PCDHGB1: variants seen among roughly 807,000 people sequenced by gnomAD.
PCDHGB1 encodes protocadherin gamma subfamily B, 1.
In PCDHGB1, 34 loss-of-function variants were observed where a neutral mutation model predicts 56.6. That is an observed-to-expected ratio of 0.60 (90% CI 0.46 to 0.80). The LOEUF (loss-of-function observed/expected upper bound fraction) is 0.80, where lower values mean the gene tolerates loss of function less well. Among genes scored for constraint, PCDHGB1 ranks in the 30% least tolerant of loss-of-function variants. PCDHGB1 has a pLI of 0.00. For missense variants in PCDHGB1, 1,278 were observed against 1,204.6 expected, an observed-to-expected ratio of 1.06 and a Z score of -0.90; for synonymous variants, 561 against 505.9, an observed-to-expected ratio of 1.11 and a Z score of -1.46.
At position 141,489,599 on chromosome 5, in the gene PCDHGB1, A is replaced by T; in HGVS notation, c.2410-5208A>T. The T allele has an allele frequency of 6.2e-7, 1 of 1,614,020 alleles. No homozygotes were observed. The highest frequency in any genetic ancestry group is 8.5e-7 in the Non-Finnish European group (1 of 1,179,970). On this transcript the variant is annotated intron_variant, in intron 1 of 3. Coordinates refer to ENST00000523390, the MANE Select transcript of PCDHGB1 (RefSeq NM_018922.3). This position sits in a 1 kb window ranked among gnomAD's most constrained non-coding sequence, Gnocchi z 4.5. ...CACCCCCTGGAGCTAATCCGTGTAGAGGTAGAGATCCTGGATCTCAATGAC... is the reference window on the plus strand; with the variant it reads ...CACCCCCTGGAGCTAATCCGTGTAGTGGTAGAGATCCTGGATCTCAATGAC...
Position 141,432,731 on chromosome 5 carries a change from G to C in PCDHGB1, c.2410-62076G>C, listed in dbSNP as rs1244820860. On this transcript the variant is annotated intron_variant, in intron 1 of 3. Coordinates refer to ENST00000523390, the MANE Select transcript of PCDHGB1 (RefSeq NM_018922.3). This position sits in a 1 kb window ranked among gnomAD's most constrained non-coding sequence, Gnocchi z 6.0. ...CGGCCAGCCCCCTCTCTCCGCCACT[G>C]TCACGCTCACCGTGGCCGTGGCCGA... The C allele has an allele frequency of 6.2e-7, 1 of 1,614,068 alleles. No homozygotes were observed.
chr5:141,482,601 A>T (rs1158399317), intron 1 of PCDHGB1, among the ~76,000 whole-genome samples: 1 of 152,002 alleles, frequency 6.6e-6, no homozygotes, highest in Non-Finnish European at 1.5e-5. Flanking sequence ...ACGGGAAAAA[A>T]CACCTAAATG....
intron 1 of PCDHGB1, chr5:141,422,932 C>G: frequency 6.2e-7 from 1 of 1,614,252 alleles, no homozygotes; most frequent in Non-Finnish European, 8.5e-7. Context: ...CCCTGCCCTC[C>G]CCACAGACGG....
chr5:141,408,636 C>T (rs1236637669), intron 1 of PCDHGB1: 2 of 1,614,024 alleles, frequency 1.2e-6, no homozygotes. Flanking sequence ...ATTTTCGAAT[C>T]TGCATCCGCT....
At chr5:141,378,264 C>T (rs1167989776) in intron 1 of PCDHGB1, 2 of 152,212 alleles carry the variant, frequency 1.3e-5, no homozygotes, top group Non-Finnish European at 1.5e-5. Flanking sequence ...GTGGCTCATG[C>T]CTGTAATCCC....
intron 1 of PCDHGB1, chr5:141,366,142 G>C (rs368467114): frequency 6.2e-7 from 1 of 1,614,176 alleles, no homozygotes; most frequent in African/African-American, 1.3e-5. Context: ...ACGCCTGGCT[G>C]TCCTACCGCC....
intron 1 of PCDHGB1, chr5:141,413,201 A>G (rs746209535): frequency 1.9e-6 from 3 of 1,611,954 alleles, no homozygotes; most frequent in Non-Finnish European, 2.5e-6. Context: ...AATCGCTCAA[A>G]GGAATCAAAG....
In PCDHGB1 at chr5:141,466,692, A is replaced by G. The variant is rs185786515; in HGVS notation, c.2410-28115A>G. Among the ~76,000 whole-genome samples the G allele has an allele frequency of 3.0e-4, 46 of 152,280 alleles. 1 individual carries two copies. The highest frequency in any genetic ancestry group is 1.0e-3 in the African/African-American group (43 of 41,558). On this transcript the variant is annotated intron_variant, in intron 1 of 3. Coordinates refer to ENST00000523390, the MANE Select transcript of PCDHGB1 (RefSeq NM_018922.3). ...ACCGTTCTTCCACTCAAGCTTCATCATAAATTTGATGTCTGTTCTTGTTTC... is the reference window on the plus strand; with the variant it reads ...ACCGTTCTTCCACTCAAGCTTCATCGTAAATTTGATGTCTGTTCTTGTTTC...
At position 141,485,272 on chromosome 5, in the gene PCDHGB1, C is replaced by T. The variant is rs764196730; in HGVS notation, c.2410-9535C>T. The T allele has an allele frequency of 1.9e-6, 3 of 1,613,948 alleles. No homozygotes were observed. The highest frequency in any genetic ancestry group is 2.7e-5 in the African/African-American group (2 of 74,932). On this transcript the variant is annotated intron_variant, in intron 1 of 3. Transcript: ENST00000523390. The surrounding 1 kb of genome is among the most constrained non-coding windows in gnomAD (Gnocchi z 5.7). ...GTTACGTTTGTGGGCAGATCCGCTACCCGGTCCCAGAGGAGTCACAGGAAG... is the reference window on the plus strand; with the variant it reads ...GTTACGTTTGTGGGCAGATCCGCTATCCGGTCCCAGAGGAGTCACAGGAAG...
At position 141,485,811 on chromosome 5, in the gene PCDHGB1, C is replaced by T; in HGVS notation, c.2410-8996C>T. 6.2e-7 allele frequency: 1 copy of T among 1,614,220 alleles called. No homozygotes were observed. The highest frequency in any genetic ancestry group is 8.5e-7 in the Non-Finnish European group (1 of 1,180,028). ...CAATCGGACTACCGCCTGGTGCTGA[C>T]TGCTGTCGATGGAGGGAACCCGCCG... On this transcript the variant is annotated intron_variant, in intron 1 of 3. Transcript: ENST00000523390. This position sits in a 1 kb window ranked among gnomAD's most constrained non-coding sequence, Gnocchi z 5.7.
chr5:141,404,828 G>T, intron 1 of PCDHGB1: 1 of 1,609,938 alleles, frequency 6.2e-7, no homozygotes, highest in Non-Finnish European at 8.5e-7. Flanking sequence ...CACAGGTGAA[G>T]TGCGCACAGC....
chr5:141,465,505 G>C (rs905617997), intron 1 of PCDHGB1, among the ~76,000 whole-genome samples: 1 of 152,190 alleles, frequency 6.6e-6, no homozygotes, highest in Non-Finnish European at 1.5e-5. Context: ...CATTGTCGTG[G>C]TCAGGAAGGA....
At chr5:141,473,450 T>A (rs2099322542) in intron 1 of PCDHGB1, among the ~76,000 whole-genome samples, 2 of 152,150 alleles carry the variant, frequency 1.3e-5, no homozygotes, top group South Asian at 4.1e-4. Flanking sequence ...AAAATAATTA[T>A]AAAATTTAAA....
intron 1 of PCDHGB1, among the ~76,000 whole-genome samples, chr5:141,467,341 C>T (rs1169830103): frequency 6.6e-6 from 1 of 152,214 alleles, no homozygotes; most frequent in Non-Finnish European, 1.5e-5. Context: ...ACGTAAGCCA[C>T]TGCCCCCGGC....
chr5:141,384,553 G>A (rs756336021), intron 1 of PCDHGB1: 3 of 1,614,152 alleles, frequency 1.9e-6, no homozygotes, highest in Admixed American at 1.7e-5. Context: ...GAGCCTGTTC[G>A]TGCTGGACCA....
chr5:141,371,119 T>A lies in PCDHGB1; in HGVS notation c.2409+18450T>A, dbSNP rs567260577. 2.4e-4 allele frequency: 393 copies of A among 1,613,958 alleles called. 4 individuals are homozygous for A. The South Asian group carries it at 3.8e-3, about 16-fold the overall frequency. ...GATGCAAATGATAACCCCCCAGTAT[T>A]TACTCAGGACATGTACAGGGTCAAT... On this transcript the variant is annotated intron_variant, in intron 1 of 3. Coordinates refer to ENST00000523390, the MANE Select transcript of PCDHGB1 (RefSeq NM_018922.3).
At chr5:141,369,276 A>T (rs1275189413) in intron 1 of PCDHGB1, among the ~76,000 whole-genome samples, 1 of 152,086 alleles carries the variant, frequency 6.6e-6, no homozygotes, top group Non-Finnish European at 1.5e-5. Context: ...CTTACAATTC[A>T]CTCCCCAATC....
At chr5:141,406,567 T>A (rs1270084196) in intron 1 of PCDHGB1, among the ~76,000 whole-genome samples, 2 of 152,224 alleles carry the variant, frequency 1.3e-5, no homozygotes, top group African/African-American at 4.8e-5. Context: ...TTCCAAACCC[T>A]AGTAAACCAA....
At chr5:141,430,244 A>G (rs903055705) in intron 1 of PCDHGB1, among the ~76,000 whole-genome samples, 1 of 105,606 alleles carries the variant, frequency 9.5e-6, no homozygotes, top group Non-Finnish European at 1.8e-5. Context: ...AGAAACTCCT[A>G]GGGAGACATC....
Sources: gnomAD v4.1 joint callset for allele counts (sites outside exome capture counted in the v4.1 genomes callset) on GRCh38, gnomAD v4.1.1 for gene constraint, Gnocchi (gnomAD v3.1) non-coding constraint, MANE v1.5 for transcripts, NCBI Gene and HGNC (gene_info 2026-07-23, HGNC 2026-07-21) for gene names.